DHRSX: variants seen among roughly 807,000 people sequenced by gnomAD.
DHRSX encodes dehydrogenase/reductase X-linked.
Under a neutral mutation model 34.0 loss-of-function variants are expected in DHRSX, and 31 were observed. That is an observed-to-expected ratio of 0.91 (90% CI 0.69 to 1.23). The LOEUF is 1.23. DHRSX is among the 50% of genes most tolerant of loss of function. The probability of loss-of-function intolerance (pLI) is 0.00; values close to 1 mark genes in which losing one functional copy is unlikely to be tolerated. For missense variants in DHRSX, 414 were observed against 428.1 expected (o/e 0.97, Z 0.29); for synonymous variants, 201 against 183.8 (o/e 1.09, Z -0.76).
At chrX:2,485,063 A>G (rs1257533013) in intron 1 of DHRSX, among the ~76,000 whole-genome samples, 2 of 152,188 alleles carry the variant, frequency 1.3e-5, no homozygotes, top group Non-Finnish European at 2.9e-5. Context: ...GGGGGGAAAC[A>G]AAAACAACCA....
At chrX:2,447,822 C>G (rs5982599) in intron 1 of DHRSX, among the ~76,000 whole-genome samples, 2 of 123,202 alleles carry the variant, frequency 1.6e-5, no homozygotes, top group South Asian at 3.1e-4. Flanking sequence ...TCTAAAAAAG[C>G]TGAATGCATA....
chrX:2,318,416 G>A (rs746123678), intron 3 of DHRSX, among the ~76,000 whole-genome samples: 3 of 152,040 alleles, frequency 2.0e-5, no homozygotes, highest in South Asian at 2.1e-4. Flanking sequence ...AGAGGAGGTC[G>A]GCATTAAGAT....
chrX:2,298,616 A>ACACACACACACACACACGCG (rs1556457299), intron 3 of DHRSX, among the ~76,000 whole-genome samples: 5 of 138,374 alleles, frequency 3.6e-5, no homozygotes, highest in African/African-American at 1.7e-4. Context: ...ACACACACAC[A>ACACACACACACACACACGCG]CACACACACA....
intron 3 of DHRSX, among the ~76,000 whole-genome samples, chrX:2,304,061 ATGGG>A (rs780029563): frequency 0.012 from 1,063 of 89,030 alleles, 27 homozygotes; most frequent in Non-Finnish European, 0.021. Flanking sequence ...GGATGGATGG[ATGGG>A]TGGATGGATG....
intron 3 of DHRSX, among the ~76,000 whole-genome samples, chrX:2,315,658 A>T (rs1429519472): frequency 2.0e-5 from 3 of 152,112 alleles, no homozygotes; most frequent in Non-Finnish European, 4.4e-5. Context: ...GTAGTTTAAA[A>T]AACAACACCC....
chrX:2,321,375 CAAG>C (rs2042309054), intron 3 of DHRSX, among the ~76,000 whole-genome samples: 1 of 152,050 alleles, frequency 6.6e-6, no homozygotes, highest in African/African-American at 2.4e-5. Flanking sequence ...CCCAGTCTGC[CAAG>C]GAGGGCTCCT....
chrX:2,458,748 A>G (rs1224526505), intron 1 of DHRSX, among the ~76,000 whole-genome samples: 1 of 152,082 alleles, frequency 6.6e-6, no homozygotes, highest in Non-Finnish European at 1.5e-5. Context: ...CTGGAATCAC[A>G]ATGCTATGGA....
intron 1 of DHRSX, among the ~76,000 whole-genome samples, chrX:2,475,329 G>A (rs1387620900): frequency 4.0e-5 from 6 of 151,364 alleles, no homozygotes; most frequent in Admixed American, 2.0e-4. Context: ...CAATGAAGAC[G>A]TTCCCTAAGC....
At chrX:2,273,067 G>A (rs1397213556) in intron 4 of DHRSX, among the ~76,000 whole-genome samples, 3 of 152,170 alleles carry the variant, frequency 2.0e-5, no homozygotes, top group Non-Finnish European at 4.4e-5. Context: ...GAGGTCAGGA[G>A]TTCGAGAGCA....
intron 5 of DHRSX, among the ~76,000 whole-genome samples, chrX:2,243,959 CAG>C (rs2016218739): frequency 1.3e-5 from 2 of 149,582 alleles, no homozygotes; most frequent in South Asian, 4.3e-4. Context: ...TTAGTGGGAA[CAG>C]GGTTTCACCA....
intron 6 of DHRSX, among the ~76,000 whole-genome samples, chrX:2,231,116 C>G (rs1311503629): frequency 6.6e-6 from 1 of 152,132 alleles, no homozygotes; most frequent in Non-Finnish European, 1.5e-5. Context: ...GGGCATTTAT[C>G]CACTCAAGGG....
chrX:2,470,404 T>TAA (rs201130992), intron 1 of DHRSX, among the ~76,000 whole-genome samples: 1 of 142,244 alleles, frequency 7.0e-6, no homozygotes, highest in African/African-American at 2.6e-5. Context: ...TCTAAACAAA[T>TAA]AAAAAAAAAA....
At position 2,223,736 on chromosome X, in the gene DHRSX, T is replaced by G. The variant is rs138999350; in HGVS notation, c.805-2507A>C. The stretch of plus-strand genomic sequence containing the variant: ...AGGTTTTATTGATCTGTTTCATGCT[T>G]CTCTCTTTTGCGGCTGTGTTCTGCC... On this transcript the variant is annotated intron_variant, in intron 6 of 6. Transcript: ENST00000334651. 3.0e-3 allele frequency among the ~76,000 whole-genome samples: 450 copies of G among 151,972 alleles called. 3 individuals are homozygous for G. Among genetic ancestry groups the G allele is most frequent in the African/African-American group, 0.011 (434 of 41,290 alleles).
chrX:2,265,120 T>A (rs1185236524), intron 5 of DHRSX, among the ~76,000 whole-genome samples: 9 of 74,304 alleles, frequency 1.2e-4, no homozygotes, highest in East Asian at 4.4e-4. Context: ...GCACCAGTGC[T>A]CAGCAGACGC....
intron 3 of DHRSX, among the ~76,000 whole-genome samples, chrX:2,355,959 G>A (rs1262744283): frequency 4.6e-5 from 7 of 151,834 alleles, no homozygotes; most frequent in East Asian, 1.9e-4. Context: ...CCAGCTACTC[G>A]GGAGGCTAAG....
chrX:2,268,321 A>G (rs747612580), intron 4 of DHRSX, among the ~76,000 whole-genome samples: 1 of 152,370 alleles, frequency 6.6e-6, no homozygotes, highest in South Asian at 2.1e-4. Flanking sequence ...ATGCCAATGT[A>G]GATATGTATT....
At chrX:2,262,869 T>C (rs2041382971) in intron 5 of DHRSX, among the ~76,000 whole-genome samples, 1 of 152,164 alleles carries the variant, frequency 6.6e-6, no homozygotes. Flanking sequence ...AGGAGCTCAA[T>C]TCGACAAAAC....
chrX:2,463,823 A>G (rs1430517340), intron 1 of DHRSX, among the ~76,000 whole-genome samples: 1 of 152,194 alleles, frequency 6.6e-6, no homozygotes, highest in Non-Finnish European at 1.5e-5. Flanking sequence ...AGCAGCTTAC[A>G]GGGTGAAAAG....
chrX:2,470,209 A>G (rs2044567903), intron 1 of DHRSX, among the ~76,000 whole-genome samples: 1 of 151,124 alleles, frequency 6.6e-6, no homozygotes, highest in Non-Finnish European at 1.5e-5. Flanking sequence ...ATAAACGCAG[A>G]GAGTGCAATG....
Sources: gnomAD v4.1 joint callset for allele counts (sites outside exome capture counted in the v4.1 genomes callset) on GRCh38, gnomAD v4.1.1 for gene constraint, MANE v1.5 for transcripts, NCBI Gene and HGNC (gene_info 2026-07-23, HGNC 2026-07-21) for gene names.